Variants in YY1 observed in about 807,000 individuals in gnomAD.
YY1 encodes the protein transcriptional repressor protein YY1.
In YY1, 2 loss-of-function variants were observed where a neutral mutation model predicts 35.6. The ratio of observed to expected loss-of-function variants is 0.06; its 90% CI spans 0.02 to 0.18. The LOEUF (loss-of-function observed/expected upper bound fraction) is 0.18. YY1 is among the 10% of genes least tolerant of loss of function. The pLI is 1.00. For missense variants in YY1, 322 were observed against 573.4 expected (o/e 0.56, Z 4.48); for synonymous variants, 268 against 238.9 (o/e 1.12, Z -1.12).
intron 1 of YY1, among the ~76,000 whole-genome samples, chr14:100,249,183 G>A (rs1243701158): frequency 2.2e-5 from 3 of 133,986 alleles, no homozygotes; most frequent in African/African-American, 5.6e-5. Flanking sequence ...TCAGTGGCAC[G>A]ATCTCGGCTC....
chr14:100,277,826 A>C lies in YY1; in HGVS notation c.*226A>C. On this transcript the variant is annotated 3_prime_UTR_variant, in exon 5 of 5. Transcript: ENST00000262238. The surrounding 1 kb of genome is among the most constrained non-coding windows in gnomAD (Gnocchi z 5.6). ...TCTTGCTCTGTAATCTCGTTTCAAA[A>C]ACACAGTGTTTTTGTAAAGTGTGGT... 1.8e-6 allele frequency: 1 copy of C among 546,200 alleles called. No individual in the cohort carries two copies. The highest frequency in any genetic ancestry group is 3.2e-6 in the Non-Finnish European group (1 of 312,392). 33.8% of individuals were successfully genotyped at this position (546,200 alleles called of 1,614,324 possible). A position where few individuals can be genotyped will look rare whatever the true frequency, so the allele number is the denominator to read the frequency against.
In YY1 at chr14:100,268,164, T is replaced by G. The variant is rs146936147; in HGVS notation, c.842+5698T>G. Among the ~76,000 whole-genome samples the G allele has an allele frequency of 5.2e-3, 797 of 152,340 alleles. 8 individuals carry two copies. Among genetic ancestry groups the G allele is most frequent in the African/African-American group, 0.018 (750 of 41,578 alleles). On this transcript the variant is annotated intron_variant, in intron 2 of 4. Coordinates refer to ENST00000262238, the MANE Select transcript of YY1 (RefSeq NM_003403.5). ...GCAGCTGTTGGCTTAAGGTAGAATG[T>G]AAGCTGCTTTTCTGTCTCCTCTGTG...
At position 100,274,679 on chromosome 14, in the gene YY1, C is replaced by G. The variant is rs1038661730; in HGVS notation, c.843-19C>G. ...CCCACTCCTACAAATCTGTCTGTCTCTCTTTTTCTTTTGATAAGAATGAAG... is the reference window on the plus strand; with the variant it reads ...CCCACTCCTACAAATCTGTCTGTCTGTCTTTTTCTTTTGATAAGAATGAAG... On this transcript the variant is annotated intron_variant, in intron 2 of 4. Coordinates refer to ENST00000262238, the MANE Select transcript of YY1 (RefSeq NM_003403.5). 3.1e-6 allele frequency: 5 copies of G among 1,609,770 alleles called. No individual in the cohort carries two copies. In the African/African-American group the frequency reaches 6.7e-5, roughly 22 times the overall value.
chr14:100,275,499 C>G (rs1270112583), intron 3 of YY1, among the ~76,000 whole-genome samples: 1 of 152,190 alleles, frequency 6.6e-6, no homozygotes, highest in Non-Finnish European at 1.5e-5. Context: ...GCCGAAATAA[C>G]AAGCATTTGA....
At chr14:100,253,602 T>C (rs1419299330) in intron 1 of YY1, among the ~76,000 whole-genome samples, 1 of 152,004 alleles carries the variant, frequency 6.6e-6, no homozygotes, top group African/African-American at 2.4e-5. Flanking sequence ...ATTTTTAGTA[T>C]TGATGGAGTT....
At chr14:100,249,830 G>A (rs1342491684) in intron 1 of YY1, among the ~76,000 whole-genome samples, 2 of 150,352 alleles carry the variant, frequency 1.3e-5, no homozygotes, top group Non-Finnish European at 2.9e-5. Context: ...CTGGAGTGCA[G>A]TGGCGTGATC....
intron 1 of YY1, among the ~76,000 whole-genome samples, chr14:100,247,907 G>A (rs1890857025): frequency 6.6e-6 from 1 of 152,044 alleles, no homozygotes; most frequent in Non-Finnish European, 1.5e-5. Context: ...TTTATAGCAG[G>A]AAATTCTATT....
Position 100,281,551 on chromosome 14 carries a change from T to G in YY1, c.*3951T>G, listed in dbSNP as rs573089078. Reference sequence around the variant, plus strand: ...GGCAAGTGCATTCCACCCGAACTTTTAACCCAAGCGGTGGGGAAGGAAGCC... The same window carrying G: ...GGCAAGTGCATTCCACCCGAACTTTGAACCCAAGCGGTGGGGAAGGAAGCC... On this transcript the variant is annotated 3_prime_UTR_variant, in exon 5 of 5. Transcript: ENST00000262238. 2 of 152,346 alleles carry G rather than the reference T, an allele frequency of 1.3e-5. No individual in the cohort carries two copies. Among genetic ancestry groups the G allele is most frequent in the East Asian group, 3.9e-4 (2 of 5,186 alleles). The allele number at this position is 152,346 out of a possible 1,614,324, so 9.4% of individuals were successfully genotyped here. A position where few individuals can be genotyped will look rare whatever the true frequency, so the allele number is the denominator to read the frequency against.
At chr14:100,255,033 G>A (rs1185729651) in intron 1 of YY1, among the ~76,000 whole-genome samples, 1 of 129,808 alleles carries the variant, frequency 7.7e-6, no homozygotes, top group African/African-American at 2.9e-5. Context: ...TACTGACCTC[G>A]TGATCCACCC....
Position 100,274,366 on chromosome 14 carries a change from G to GT in YY1, c.843-325dup, listed in dbSNP as rs552342755. Among the ~76,000 whole-genome samples, 16 of 152,114 alleles carry GT rather than the reference G, an allele frequency of 1.1e-4. No homozygotes were observed. In the South Asian group the frequency reaches 2.5e-3, roughly 24 times the overall value. On this transcript the variant is annotated intron_variant, in intron 2 of 4. Coordinates refer to ENST00000262238, the MANE Select transcript of YY1 (RefSeq NM_003403.5). ...CTGATTGTCTGAGTTGATTTTTTGT[G>GT]TTTTTTTAAAGGGTTTGGAGTTAAG...
rs540982551 is a variant in YY1 at position 100,247,756 on chromosome 14, A to G, written c.679+7833A>G. ...TCCTCGTTCTAAGTATCTTCTCAGT[A>G]GGTTCCATTCTGTTTAACTTCATGA... On this transcript the variant is annotated intron_variant, in intron 1 of 4. Transcript: ENST00000262238. Among the ~76,000 whole-genome samples the G allele has an allele frequency of 3.9e-5, 6 of 152,262 alleles. No homozygotes were observed. The East Asian group carries it at 5.8e-4, about 15-fold the overall frequency.
intron 1 of YY1, among the ~76,000 whole-genome samples, chr14:100,256,748 T>C (rs940492149): frequency 6.6e-6 from 1 of 152,080 alleles, no homozygotes; most frequent in East Asian, 1.9e-4. Context: ...AAGAAAATAT[T>C]TTGGGTATAG....
chr14:100,240,126 G>A (rs1312154385), intron 1 of YY1, among the ~76,000 whole-genome samples: 1 of 146,216 alleles, frequency 6.8e-6, no homozygotes, highest in Non-Finnish European at 1.5e-5. Flanking sequence ...CGGGGGGGAG[G>A]GGCCGGCGCC....
At chr14:100,251,665 C>T (rs1303261922) in intron 1 of YY1, among the ~76,000 whole-genome samples, 1 of 152,222 alleles carries the variant, frequency 6.6e-6, no homozygotes, top group South Asian at 2.1e-4. Context: ...GCACACTACT[C>T]AATTTCCCAG....
Position 100,278,286 on chromosome 14 carries a change from A to T in YY1, c.*686A>T, listed in dbSNP as rs1028902380. Reference sequence around the variant, plus strand: ...GATTTAATAGTGTTAATCAATTTAAACCCATTTTAGTCACTTTTTTTTTCC... The same window carrying T: ...GATTTAATAGTGTTAATCAATTTAATCCCATTTTAGTCACTTTTTTTTTCC... On this transcript the variant is annotated 3_prime_UTR_variant, in exon 5 of 5. Transcript: ENST00000262238. 6.6e-6 allele frequency: 1 copy of T among 152,400 alleles called. No homozygotes were observed. The highest frequency in any genetic ancestry group is 1.5e-5 in the Non-Finnish European group (1 of 68,010). 9.4% of individuals were successfully genotyped at this position (152,400 alleles called of 1,614,324 possible).
intron 2 of YY1, among the ~76,000 whole-genome samples, chr14:100,270,058 C>T (rs367844824): frequency 1.3e-5 from 2 of 151,036 alleles, no homozygotes; most frequent in Non-Finnish European, 2.9e-5. Context: ...GTCAGGAGAT[C>T]GAGACCATCC....
intron 2 of YY1, among the ~76,000 whole-genome samples, chr14:100,266,372 T>C (rs1353292799): frequency 6.6e-6 from 1 of 151,026 alleles, no homozygotes; most frequent in East Asian, 1.9e-4. Flanking sequence ...TGTGAAGGAG[T>C]TGCAGTGGAG....
Position 100,277,865 on chromosome 14 carries a change from C to A in YY1, c.*265C>A. 1 of 452,374 alleles carries A rather than the reference C, an allele frequency of 2.2e-6. No homozygotes were observed. The highest frequency in any genetic ancestry group is 4.0e-6 in the Non-Finnish European group (1 of 252,826). 28.0% of individuals were successfully genotyped at this position (452,374 alleles called of 1,614,324 possible). Reference sequence around the variant, plus strand: ...GTAAAGTGTGGTCCCAACAGGAGGACAATTCATGAACTTCGCATCAAAAGA... The same window carrying A: ...GTAAAGTGTGGTCCCAACAGGAGGAAAATTCATGAACTTCGCATCAAAAGA... On this transcript the variant is annotated 3_prime_UTR_variant, in exon 5 of 5. Transcript: ENST00000262238. The surrounding 1 kb of genome is among the most constrained non-coding windows in gnomAD (Gnocchi z 5.6).
intron 2 of YY1, among the ~76,000 whole-genome samples, chr14:100,271,953 G>T (rs901827758): frequency 4.6e-5 from 7 of 152,094 alleles, no homozygotes; most frequent in African/African-American, 1.4e-4. Flanking sequence ...GATAGTTTCA[G>T]ATTTTGGATT....
Sources: allele counts gnomAD v4.1 joint callset (sites outside exome capture counted in the v4.1 genomes callset), GRCh38; gene constraint gnomAD v4.1.1; non-coding constraint Gnocchi (gnomAD v3.1); transcripts MANE v1.5; gene names NCBI Gene and HGNC (gene_info 2026-07-23, HGNC 2026-07-21).